The following WRN variants were observed in gnomAD, a reference collection of about 807,000 sequenced individuals.
WRN encodes bifunctional 3'-5' exonuclease/ATP-dependent helicase WRN.
In WRN, 149 loss-of-function variants were observed where a neutral mutation model predicts 180.7. The ratio of observed to expected loss-of-function variants is 0.82; its 90% CI spans 0.72 to 0.94. The LOEUF (loss-of-function observed/expected upper bound fraction) is 0.94. Ranked by LOEUF, WRN falls within the 40% of genes least tolerant of loss-of-function variation. The pLI, the probability that WRN is intolerant of heterozygous loss-of-function variation, is 0.00. For missense variants in WRN, 1,661 were observed against 1,700.1 expected, an observed-to-expected ratio of 0.98 and a Z score of 0.40; for synonymous variants, 548 against 568.9, an observed-to-expected ratio of 0.96 and a Z score of 0.52.
intron 17 of WRN, among the ~76,000 whole-genome samples, chr8:31,099,091 G>A (rs376393507): frequency 6.6e-6 from 1 of 151,390 alleles, no homozygotes; most frequent in South Asian, 2.1e-4. Context: ...AGAGAGAGAA[G>A]GAAGGAAGGG....
intron 20 of WRN, among the ~76,000 whole-genome samples, chr8:31,118,375 C>G (rs1801595665): frequency 6.6e-6 from 1 of 152,026 alleles, no homozygotes; most frequent in African/African-American, 2.4e-5. Context: ...TATCTGACAG[C>G]TGGCCCAATG....
chr8:31,152,132 T>A (rs1342338819), intron 31 of WRN, among the ~76,000 whole-genome samples: 1 of 152,084 alleles, frequency 6.6e-6, no homozygotes, highest in Admixed American at 6.6e-5. Context: ...CTTGGCAAAG[T>A]AATCTGAAAT....
intron 1 of WRN, among the ~76,000 whole-genome samples, chr8:31,043,419 C>A (rs992673247): frequency 6.6e-6 from 1 of 152,106 alleles, no homozygotes; most frequent in Non-Finnish European, 1.5e-5. Flanking sequence ...CACCTGTAGT[C>A]TTGGTGATGA....
intron 1 of WRN, among the ~76,000 whole-genome samples, chr8:31,043,144 T>G (rs909754182): frequency 6.6e-6 from 1 of 152,234 alleles, no homozygotes; most frequent in Admixed American, 6.5e-5. Context: ...TTCTTGGCCC[T>G]CTTCTATGAA....
intron 18 of WRN, among the ~76,000 whole-genome samples, chr8:31,111,038 A>G (rs1230663627): frequency 1.3e-5 from 2 of 152,134 alleles, no homozygotes; most frequent in Non-Finnish European, 2.9e-5. Context: ...TCATTTATAC[A>G]TATTTCCTAT....
chr8:31,043,946 G>C (rs1811750022), intron 1 of WRN, among the ~76,000 whole-genome samples: 1 of 151,620 alleles, frequency 6.6e-6, no homozygotes, highest in Non-Finnish European at 1.5e-5. Context: ...CAAAATATCT[G>C]ATTTTTCTTC....
intron 21 of WRN, 132 bp downstream of exon 21, chr8:31,120,556 A>G (rs893779550): frequency 3.2e-6 from 3 of 940,310 alleles, no homozygotes; most frequent in African/African-American, 1.7e-5. Flanking sequence ...AAAAAAAAAA[A>G]GAAAAATAAA....
intron 7 of WRN, among the ~76,000 whole-genome samples, chr8:31,070,187 C>T (rs1302552671): frequency 6.6e-6 from 1 of 151,476 alleles, no homozygotes; most frequent in African/African-American, 2.4e-5. Context: ...TTGCACCAAC[C>T]TAATAACTAA....
At chr8:31,157,217 A>C (rs1316031106) in intron 32 of WRN, 151 bp from the exon 33 acceptor site, 46 of 1,139,372 alleles carry the variant, frequency 4.0e-5, no homozygotes, top group Admixed American at 1.3e-4. Flanking sequence ...AGTTTTAAAG[A>C]AATTCTGAAA....
At chr8:31,068,946 G>A (rs1351861324) in intron 7 of WRN, among the ~76,000 whole-genome samples, 1 of 152,172 alleles carries the variant, frequency 6.6e-6, no homozygotes, top group Non-Finnish European at 1.5e-5. Flanking sequence ...CAGGCTTTTT[G>A]TTGCACAGAC....
chr8:31,086,090 A>G (rs1361654607), intron 11 of WRN, among the ~76,000 whole-genome samples: 1 of 152,166 alleles, frequency 6.6e-6, no homozygotes, highest in Non-Finnish European at 1.5e-5. Flanking sequence ...GTTACTAACC[A>G]AAGATGTATA....
rs752994352 is a variant in WRN at position 31,088,895 on chromosome 8, T to C, written c.1582T>C (p.Leu528=). ...EGEEDDDKDF[L]WPAPNEEQVT... is the part of the protein sequence containing the mutation. Reference sequence around the variant, plus strand: ...ACATTTTATTTTATTTCCAGACTTTTTGTGGCCAGCACCCAATGAAGAGCA... The same window carrying C: ...ACATTTTATTTTATTTCCAGACTTTCTGTGGCCAGCACCCAATGAAGAGCA... The change falls in exon 13 of 35, where the codon TTG becomes CTG. Residue 528 remains leucine, a synonymous_variant. Coordinates refer to ENST00000298139, the MANE Select transcript of WRN (RefSeq NM_000553.6). 1.1e-5 allele frequency: 18 copies of C among 1,610,036 alleles called. No individual in the cohort carries two copies. The African/African-American group carries it at 1.9e-4, about 17-fold the overall frequency.
chr8:31,081,933 G>C (rs1813330394), intron 9 of WRN, among the ~76,000 whole-genome samples: 1 of 151,818 alleles, frequency 6.6e-6, no homozygotes, highest in African/African-American at 2.4e-5. Context: ...GCTAATTTTT[G>C]TATTTTTTGT....
At chr8:31,076,356 A>T in intron 8 of WRN, 69 bp downstream of exon 8, 1 of 1,304,578 alleles carries the variant, frequency 7.7e-7, no homozygotes, top group African/African-American at 1.5e-5. Flanking sequence ...ATTTTCCTAT[A>T]TGTGAAGAAT....
At chr8:31,096,265 G>A (rs1813972266) in intron 16 of WRN, among the ~76,000 whole-genome samples, 1 of 152,112 alleles carries the variant, frequency 6.6e-6, no homozygotes, top group African/African-American at 2.4e-5. Flanking sequence ...AGAAAATTAA[G>A]TTTCATTACA....
chr8:31,065,043 A>T lies in WRN; in HGVS notation c.484A>T (p.Thr162Ser). 6.2e-7 allele frequency: 1 copy of T among 1,613,482 alleles called. No homozygotes were observed. The highest frequency in any genetic ancestry group is 8.5e-7 in the Non-Finnish European group (1 of 1,179,688). ...CAAATTGAAGAATTTTGTGGAGTTG[A>T]CAGATGTTGCCAATAAAAAGGTAAA... ...DIKLKNFVEL[T>S]DVANKKLKCT... The change falls in exon 5 of 35, where the codon ACA (threonine) becomes TCA (serine). Residue 162 changes from threonine (T) to serine (S), a missense_variant. Transcript: ENST00000298139.
chr8:31,082,983 A>G (rs1173197059), intron 9 of WRN, among the ~76,000 whole-genome samples: 1 of 152,008 alleles, frequency 6.6e-6, no homozygotes, highest in Non-Finnish European at 1.5e-5. Context: ...CTTATTTTCA[A>G]TTTTTTTTAT....
chr8:31,133,191 T>A (rs747475757), intron 24 of WRN, among the ~76,000 whole-genome samples: 2 of 152,188 alleles, frequency 1.3e-5, no homozygotes, highest in Admixed American at 6.5e-5. Context: ...TTCCCCTGAT[T>A]TAGAAGTCTA....
chr8:31,066,755 G>T (rs1263118528), intron 5 of WRN, among the ~76,000 whole-genome samples: 1 of 152,008 alleles, frequency 6.6e-6, no homozygotes, highest in Non-Finnish European at 1.5e-5. Context: ...TCATTTGGCT[G>T]GGAGGTAGAA....
Sources: allele counts gnomAD v4.1 joint callset (sites outside exome capture counted in the v4.1 genomes callset), GRCh38; gene constraint gnomAD v4.1.1; transcripts MANE v1.5; gene names NCBI Gene and HGNC (gene_info 2026-07-23, HGNC 2026-07-21).